The following DLGAP1 variants were observed in gnomAD, a reference collection of about 807,000 sequenced individuals.
DLGAP1 encodes disks large-associated protein 1.
DLGAP1 carries 11 observed loss-of-function variants against 90.8 expected under a neutral mutation model. That is an observed-to-expected ratio of 0.12 (90% CI 0.08 to 0.20). DLGAP1 has a LOEUF of 0.20. Ranked by LOEUF, DLGAP1 falls within the 10% of genes least tolerant of loss-of-function variation. The pLI is 1.00. For missense variants in DLGAP1, 1,050 were observed against 1,333.8 expected, an observed-to-expected ratio of 0.79 and a Z score of 3.31; for synonymous variants, 558 against 540.7, an observed-to-expected ratio of 1.03 and a Z score of -0.44.
intron 10 of DLGAP1, among the ~76,000 whole-genome samples, chr18:3,522,013 A>T (rs763445056): frequency 6.6e-6 from 1 of 151,256 alleles, no homozygotes; most frequent in Non-Finnish European, 1.5e-5. Context: ...AGTTGTAGTG[A>T]CTAGCCTGGA....
chr18:3,989,258 T>C (rs2073911694), intron 3 of DLGAP1, among the ~76,000 whole-genome samples: 1 of 152,196 alleles, frequency 6.6e-6, no homozygotes, highest in Non-Finnish European at 1.5e-5. Flanking sequence ...AAAGTAAAGC[T>C]GCATGGGATG....
Position 3,502,661 on chromosome 18 carries a change from A to G in DLGAP1, c.2572-16T>C, listed in dbSNP as rs1568086027. ...CATTAGGATTCTGCACAAGAGAAAGAAAAACATTCATGCTTTAGAAGCAAT... is the reference window on the plus strand; with the variant it reads ...CATTAGGATTCTGCACAAGAGAAAGGAAAACATTCATGCTTTAGAAGCAAT... On this transcript the variant is annotated splice_polypyrimidine_tract_variant and intron_variant, in intron 11 of 12. Coordinates refer to ENST00000315677, the MANE Select transcript of DLGAP1 (RefSeq NM_004746.4). The G allele has an allele frequency of 1.3e-6, 2 of 1,596,268 alleles. No individual in the cohort carries two copies. The highest frequency in any genetic ancestry group is 4.5e-5 in the East Asian group (2 of 44,766).
intron 7 of DLGAP1, among the ~76,000 whole-genome samples, chr18:3,583,879 A>T (rs150403134): frequency 0.016 from 2,379 of 152,196 alleles, 70 homozygotes; most frequent in African/African-American, 0.054. Context: ...ACCTGGGGGG[A>T]GGAGGTTGCA....
intron 5 of DLGAP1, among the ~76,000 whole-genome samples, chr18:3,772,940 C>A (rs191467465): frequency 2.0e-5 from 3 of 152,132 alleles, no homozygotes; most frequent in Non-Finnish European, 4.4e-5. Flanking sequence ...TGGTATTGAA[C>A]GGAGCCCCTG....
intron 1 of DLGAP1, among the ~76,000 whole-genome samples, chr18:4,259,723 T>A (rs903557314): frequency 6.6e-6 from 1 of 152,180 alleles, no homozygotes; most frequent in Non-Finnish European, 1.5e-5. Context: ...TGTGTTTTGA[T>A]AGATAATTTA....
At chr18:3,725,828 C>T (rs1484544592) in intron 7 of DLGAP1, among the ~76,000 whole-genome samples, 1 of 152,200 alleles carries the variant, frequency 6.6e-6, no homozygotes, top group Non-Finnish European at 1.5e-5. Flanking sequence ...CATCCTTGCT[C>T]ACCTACTAAT....
chr18:4,033,332 T>G (rs1158314924), intron 2 of DLGAP1, among the ~76,000 whole-genome samples: 1 of 152,026 alleles, frequency 6.6e-6, no homozygotes, highest in Non-Finnish European at 1.5e-5. Context: ...GTCCTTCTAT[T>G]TTAGGAAATA....
chr18:4,107,889 C>T (rs1311621242), intron 2 of DLGAP1, among the ~76,000 whole-genome samples: 1 of 151,896 alleles, frequency 6.6e-6, no homozygotes, highest in African/African-American at 2.4e-5. Context: ...GTTTCAGGTC[C>T]GAAGAAAAAT....
chr18:3,717,081 G>A (rs1460813113), intron 7 of DLGAP1, among the ~76,000 whole-genome samples: 1 of 145,714 alleles, frequency 6.9e-6, no homozygotes. Context: ...TTCAAAACAA[G>A]GAAGAGACCT....
chr18:4,204,433 T>C (rs1325142652), intron 1 of DLGAP1, among the ~76,000 whole-genome samples: 1 of 152,182 alleles, frequency 6.6e-6, no homozygotes, highest in Non-Finnish European at 1.5e-5. Context: ...TAATTCACTT[T>C]GATCTTTTAC....
intron 9 of DLGAP1, among the ~76,000 whole-genome samples, chr18:3,544,267 C>T (rs1472637388): frequency 1.3e-5 from 2 of 152,082 alleles, no homozygotes; most frequent in African/African-American, 4.8e-5. Context: ...CATGTGCTTG[C>T]AGTCCCAGGT....
intron 3 of DLGAP1, among the ~76,000 whole-genome samples, chr18:3,981,135 A>G (rs1161228363): frequency 6.6e-6 from 1 of 152,226 alleles, no homozygotes; most frequent in Non-Finnish European, 1.5e-5. Context: ...GTCTCCAAAG[A>G]CCTGTATTTT....
At chr18:4,108,427 C>G (rs2075908896) in intron 2 of DLGAP1, among the ~76,000 whole-genome samples, 1 of 151,994 alleles carries the variant, frequency 6.6e-6, no homozygotes, top group Admixed American at 6.6e-5. Flanking sequence ...TTAAATAAGT[C>G]TGTATGTTTT....
chr18:3,577,329 C>T (rs1161643076), intron 8 of DLGAP1, among the ~76,000 whole-genome samples: 2 of 152,214 alleles, frequency 1.3e-5, no homozygotes, highest in African/African-American at 4.8e-5. Context: ...CCTTTTATTG[C>T]TCTCTCAGTC....
chr18:3,548,907 C>T (rs2053216843), intron 9 of DLGAP1, among the ~76,000 whole-genome samples: 1 of 152,126 alleles, frequency 6.6e-6, no homozygotes, highest in South Asian at 2.1e-4. Flanking sequence ...TGTGCTGGCA[C>T]ATGCCTGTAA....
At chr18:4,370,019 C>T (rs1034468152) in intron 1 of DLGAP1, among the ~76,000 whole-genome samples, 7 of 151,738 alleles carry the variant, frequency 4.6e-5, no homozygotes, top group South Asian at 2.1e-4. Context: ...AGACTGAAGG[C>T]GGGAAAACTA....
chr18:3,952,887 A>G (rs1006189304), intron 3 of DLGAP1, among the ~76,000 whole-genome samples: 1 of 152,210 alleles, frequency 6.6e-6, no homozygotes, highest in African/African-American at 2.4e-5. Flanking sequence ...GGATGGCTAC[A>G]TGCCACCTTC....
intron 7 of DLGAP1, among the ~76,000 whole-genome samples, chr18:3,624,241 G>A (rs945444636): frequency 3.3e-5 from 5 of 152,168 alleles, no homozygotes; most frequent in Admixed American, 6.5e-5. Flanking sequence ...GGCGTGAACC[G>A]TCTGTTTGTG....
chr18:3,944,333 T>G (rs2072833413), intron 3 of DLGAP1, among the ~76,000 whole-genome samples: 1 of 152,108 alleles, frequency 6.6e-6, no homozygotes, highest in Non-Finnish European at 1.5e-5. Flanking sequence ...CCATCTCTAC[T>G]AAAAATACAA....
Sources: gnomAD v4.1 joint callset for allele counts (sites outside exome capture counted in the v4.1 genomes callset) on GRCh38, gnomAD v4.1.1 for gene constraint, MANE v1.5 for transcripts, NCBI Gene and HGNC (gene_info 2026-07-23, HGNC 2026-07-21) for gene names.